Variants in CDH13 observed in about 807,000 individuals in gnomAD.
The protein encoded by CDH13 is cadherin-13.
A neutral mutation model predicts 63.8 loss-of-function variants in CDH13; 24 were observed. The ratio of observed to expected loss-of-function variants is 0.38; its 90% CI spans 0.27 to 0.53. The LOEUF is 0.53. CDH13 is among the 20% of genes least tolerant of loss of function. CDH13 has a pLI of 0.85. For missense variants in CDH13, 1,049 were observed against 903.1 expected (o/e 1.16, Z -2.07); for synonymous variants, 503 against 355.3 (o/e 1.42, Z -4.67).
chr16:83,670,518 G>T (rs1306363015), intron 8 of CDH13, among the ~76,000 whole-genome samples: 1 of 152,150 alleles, frequency 6.6e-6, no homozygotes, highest in African/African-American at 2.4e-5. Context: ...AGGCACAGCT[G>T]TTCTTTTCAC....
intron 7 of CDH13, among the ~76,000 whole-genome samples, chr16:83,551,056 A>ATC (rs33969753): frequency 0.22 from 31,997 of 148,350 alleles, 4,324 homozygotes; most frequent in Middle Eastern, 0.3. Context: ...TAAGTCATTT[A>ATC]TATCTATCTA....
intron 2 of CDH13, among the ~76,000 whole-genome samples, chr16:82,935,155 C>A (rs771841166): frequency 1.8e-4 from 28 of 152,170 alleles, no homozygotes; most frequent in Non-Finnish European, 4.1e-4. Flanking sequence ...GCCTCATGAA[C>A]TTACAATGAT....
chr16:82,843,707 A>C (rs967814219), intron 1 of CDH13, among the ~76,000 whole-genome samples: 1 of 152,266 alleles, frequency 6.6e-6, no homozygotes, highest in Non-Finnish European at 1.5e-5. Context: ...GACAAATCTG[A>C]CATCTTGTCT....
At chr16:82,688,548 G>C (rs986809237) in intron 1 of CDH13, among the ~76,000 whole-genome samples, 6 of 152,112 alleles carry the variant, frequency 3.9e-5, no homozygotes, top group Non-Finnish European at 8.8e-5. Context: ...AATATTTATT[G>C]AATAAAACAT....
intron 1 of CDH13, among the ~76,000 whole-genome samples, chr16:82,795,766 T>C (rs1326774352): frequency 6.6e-6 from 1 of 151,980 alleles, no homozygotes; most frequent in East Asian, 1.9e-4. Context: ...AAACAATGGC[T>C]GTAGTGGTGC....
At chr16:83,203,386 A>C (rs1293297093) in intron 4 of CDH13, among the ~76,000 whole-genome samples, 1 of 151,856 alleles carries the variant, frequency 6.6e-6, no homozygotes, top group Non-Finnish European at 1.5e-5. Context: ...TAACATAGTA[A>C]AATAAGATTT....
At chr16:83,027,922 G>A (rs1372355188) in intron 2 of CDH13, among the ~76,000 whole-genome samples, 1 of 152,180 alleles carries the variant, frequency 6.6e-6, no homozygotes, top group East Asian at 1.9e-4. Context: ...CTTCAAACTA[G>A]GGACTGTGCC....
intron 6 of CDH13, among the ~76,000 whole-genome samples, chr16:83,419,471 C>T (rs1023754516): frequency 3.3e-5 from 5 of 152,204 alleles, no homozygotes; most frequent in South Asian, 2.1e-4. Context: ...TTACCTTCTA[C>T]TTTTACATCC....
chr16:83,547,932 C>A (rs35339808), intron 7 of CDH13, among the ~76,000 whole-genome samples: 2 of 152,088 alleles, frequency 1.3e-5, no homozygotes, highest in East Asian at 1.9e-4. Context: ...GACAGCAGAC[C>A]AGGCAGACCA....
chr16:83,412,132 C>G (rs1457065098), intron 6 of CDH13, among the ~76,000 whole-genome samples: 2 of 152,192 alleles, frequency 1.3e-5, no homozygotes, highest in Non-Finnish European at 2.9e-5. Context: ...TGCACCTATG[C>G]ATGTGGAATC....
chr16:83,466,393 A>G (rs2073316586), intron 6 of CDH13, among the ~76,000 whole-genome samples: 1 of 152,230 alleles, frequency 6.6e-6, no homozygotes, highest in South Asian at 2.1e-4. Flanking sequence ...ACCGCCTTAT[A>G]TACAGAAACA....
chr16:82,693,538 T>C (rs900960605), intron 1 of CDH13, among the ~76,000 whole-genome samples: 2 of 152,212 alleles, frequency 1.3e-5, no homozygotes, highest in African/African-American at 4.8e-5. Context: ...TAATGTATGC[T>C]GCATAAAGGA....
intron 1 of CDH13, among the ~76,000 whole-genome samples, chr16:82,767,508 T>A (rs1243096829): frequency 6.6e-6 from 1 of 152,252 alleles, no homozygotes; most frequent in Non-Finnish European, 1.5e-5. Flanking sequence ...ATTTTTGTGT[T>A]TGTAGAAGTC....
chr16:83,198,723 A>G (rs555157076), intron 4 of CDH13, among the ~76,000 whole-genome samples: 1 of 152,262 alleles, frequency 6.6e-6, no homozygotes, highest in Non-Finnish European at 1.5e-5. Flanking sequence ...AGTCTGTTGT[A>G]TGGGAACAGG....
intron 1 of CDH13, among the ~76,000 whole-genome samples, chr16:82,785,173 G>C (rs2035945522): frequency 6.6e-6 from 1 of 152,098 alleles, no homozygotes; most frequent in African/African-American, 2.4e-5. Flanking sequence ...GAAACGGAGA[G>C]ACATAAGATA....
intron 2 of CDH13, among the ~76,000 whole-genome samples, chr16:83,014,880 G>GTATATATATATGTATATATATATA (rs1567746198): frequency 3.1e-5 from 4 of 130,006 alleles, no homozygotes; most frequent in African/African-American, 5.9e-5. Flanking sequence ...ATATATATAT[G>GTATATATATATGTATATATATATA]TTTGTGTATA....
At chr16:82,930,866 C>A (rs975650323) in intron 2 of CDH13, among the ~76,000 whole-genome samples, 1 of 152,184 alleles carries the variant, frequency 6.6e-6, no homozygotes, top group African/African-American at 2.4e-5. Context: ...GGACATAAAT[C>A]ACTCCTCTTC....
At chr16:83,085,248 T>C (rs901999917) in intron 3 of CDH13, among the ~76,000 whole-genome samples, 1 of 152,042 alleles carries the variant, frequency 6.6e-6, no homozygotes, top group African/African-American at 2.4e-5. Flanking sequence ...CAGAAACCCC[T>C]GATAAACCCA....
chr16:83,724,674 G>A (rs1598591262), intron 10 of CDH13, among the ~76,000 whole-genome samples: 1 of 152,124 alleles, frequency 6.6e-6, no homozygotes, highest in Non-Finnish European at 1.5e-5. Context: ...CTCACTGAAG[G>A]AGCCTATCTC....
Sources: allele counts gnomAD v4.1 joint callset (sites outside exome capture counted in the v4.1 genomes callset), GRCh38; gene constraint gnomAD v4.1.1; transcripts MANE v1.5; gene names NCBI Gene and HGNC (gene_info 2026-07-23, HGNC 2026-07-21).